Variants in POLR3GL observed in about 807,000 individuals in gnomAD.
POLR3GL encodes RNA polymerase III subunit GL.
A neutral mutation model predicts 32.4 loss-of-function variants in POLR3GL; 26 were observed. That is an observed-to-expected ratio of 0.80 (90% confidence interval 0.59 to 1.11). The LOEUF (loss-of-function observed/expected upper bound fraction) is 1.11, where lower values mean the gene tolerates loss of function less well. POLR3GL is among the 50% of genes most tolerant of loss of function. POLR3GL has a pLI of 0.00. For synonymous variants in POLR3GL, 95 were observed against 98.7 expected (o/e 0.96, Z 0.22); for missense variants, 229 against 280.1 (o/e 0.82, Z 1.30).
chr1:145,975,070 T>C, intron 2 of POLR3GL, 79 bp downstream of exon 2: 1 of 1,475,966 alleles, frequency 6.8e-7, no homozygotes, highest in Non-Finnish European at 9.0e-7. Flanking sequence ...TCCTGGACCA[T>C]CATAAAACCA....
Position 145,978,766 on chromosome 1 carries a change from C to T in POLR3GL, c.*319C>T, listed in dbSNP as rs1458070462. On this transcript the variant is annotated 3_prime_UTR_variant, in exon 8 of 8. Transcript: ENST00000369314. ...ATACCCCTGCCCAATTTATATAGCT[C>T]TTTGTGGAGATAATTAGGGGTGGGA... 2 of 266,564 alleles carry T rather than the reference C, an allele frequency of 7.5e-6. No homozygotes were observed. Among genetic ancestry groups the T allele is most frequent in the Admixed American group, 5.0e-5 (1 of 19,908 alleles). 16.5% of individuals were successfully genotyped at this position (266,564 alleles called of 1,614,324 possible).
At position 145,971,319 on chromosome 1, in the gene POLR3GL, A is replaced by G. The variant is rs587733585; in HGVS notation, c.-41-3506A>G. 7.9e-5 allele frequency among the ~76,000 whole-genome samples: 12 copies of G among 152,168 alleles called. No individual in the cohort carries two copies. In the South Asian group the frequency reaches 2.5e-3, roughly 32 times the overall value. On this transcript the variant is annotated intron_variant, in intron 1 of 7. Coordinates refer to ENST00000369314, the MANE Select transcript of POLR3GL (RefSeq NM_032305.3). ...TTTTTACCTATTGCTCTTTTTCTGTACATGAATCCCATTTAGGATTCCACA... is the reference window on the plus strand; with the variant it reads ...TTTTTACCTATTGCTCTTTTTCTGTGCATGAATCCCATTTAGGATTCCACA...
chr1:145,975,248 C>A, intron 2 of POLR3GL, 59 bp from the exon 3 acceptor site: 1 of 1,583,600 alleles, frequency 6.3e-7, no homozygotes, highest in South Asian at 1.1e-5. Flanking sequence ...GAGGAGGGGT[C>A]TTCCTAAATT....
chr1:145,970,466 G>A (rs1473973313), intron 1 of POLR3GL, among the ~76,000 whole-genome samples: 5 of 150,734 alleles, frequency 3.3e-5, no homozygotes, highest in Non-Finnish European at 7.4e-5. Context: ...TTTGTTTTTT[G>A]TTTTTGTTTT....
At chr1:145,977,921 C>T in intron 6 of POLR3GL, 62 bp from the exon 7 acceptor site, 4 of 1,613,782 alleles carry the variant, frequency 2.5e-6, no homozygotes, top group Non-Finnish European at 3.4e-6. Flanking sequence ...CCCATGTGTG[C>T]CTCAATTTTT....
chr1:145,978,708 A>G lies in POLR3GL; in HGVS notation c.*261A>G. 1 of 470,396 alleles carries G rather than the reference A, an allele frequency of 2.1e-6. No homozygotes were observed. Among genetic ancestry groups the G allele is most frequent in the Non-Finnish European group, 3.8e-6 (1 of 264,332 alleles). 29.1% of individuals were successfully genotyped at this position (470,396 alleles called of 1,614,324 possible). ...GGGAGAAAGGAGAATTGAAAGAAGA[A>G]CTGGGGTTGTTAGAGCTGAGATGAC... On this transcript the variant is annotated 3_prime_UTR_variant, in exon 8 of 8. Transcript: ENST00000369314.
intron 1 of POLR3GL, among the ~76,000 whole-genome samples, chr1:145,971,199 A>AG (rs1246984233): frequency 1.3e-5 from 2 of 151,676 alleles, no homozygotes; most frequent in Non-Finnish European, 2.9e-5. Flanking sequence ...AAAAAAAAAA[A>AG]AAAAAAAATT....
chr1:145,975,562 C>T (rs1342077863), intron 3 of POLR3GL, 126 bp downstream of exon 3: 13 of 1,054,420 alleles, frequency 1.2e-5, no homozygotes, highest in Non-Finnish European at 1.6e-5. Flanking sequence ...TAATAGTTAC[C>T]CCTGTATCTG....
At chr1:145,967,032 A>G (rs1650068723) in intron 1 of POLR3GL, among the ~76,000 whole-genome samples, 2 of 152,130 alleles carry the variant, frequency 1.3e-5, no homozygotes, top group African/African-American at 2.4e-5. Context: ...TAACTGGACA[A>G]ATTGCTCCCC....
chr1:145,974,386 C>G (rs1289704156), intron 1 of POLR3GL, among the ~76,000 whole-genome samples: 4 of 152,128 alleles, frequency 2.6e-5, no homozygotes, highest in African/African-American at 9.7e-5. Context: ...CATAGTGGTT[C>G]ATGCCTGTAA....
intron 1 of POLR3GL, among the ~76,000 whole-genome samples, chr1:145,969,831 A>C (rs760228165): frequency 1.8e-4 from 27 of 149,550 alleles, no homozygotes; most frequent in Non-Finnish European, 3.7e-4. Flanking sequence ...AGGCAGGAGA[A>C]TTGCTTGAAC....
chr1:145,965,338 C>T (rs1322398919), intron 1 of POLR3GL, among the ~76,000 whole-genome samples: 1 of 152,094 alleles, frequency 6.6e-6, no homozygotes, highest in Non-Finnish European at 1.5e-5. Flanking sequence ...AATTTAAACT[C>T]CTAACATAAC....
intron 1 of POLR3GL, among the ~76,000 whole-genome samples, chr1:145,966,682 G>A (rs1414608598): frequency 6.6e-6 from 1 of 151,948 alleles, no homozygotes; most frequent in Non-Finnish European, 1.5e-5. Flanking sequence ...CCAGTTACTC[G>A]GGGGGCTGAG....
Position 145,978,451 on chromosome 1 carries a change from A to C in POLR3GL, c.*4A>C, listed in dbSNP as rs1650666491. ...TATGGACGAGGCTATATACTGAAGAAGGACTCTGGACCCTCGTGTCTTTCT... is the reference window on the plus strand; with the variant it reads ...TATGGACGAGGCTATATACTGAAGACGGACTCTGGACCCTCGTGTCTTTCT... On this transcript the variant is annotated 3_prime_UTR_variant, in exon 8 of 8. Transcript: ENST00000369314. 6.4e-7 allele frequency: 1 copy of C among 1,573,460 alleles called. No individual in the cohort carries two copies. The highest frequency in any genetic ancestry group is 2.2e-5 in the East Asian group (1 of 44,702).
intron 3 of POLR3GL, among the ~76,000 whole-genome samples, chr1:145,976,037 G>A (rs1168112033): frequency 6.6e-6 from 1 of 152,180 alleles, no homozygotes; most frequent in African/African-American, 2.4e-5. Context: ...CACTTTGGGA[G>A]GCTGACATGG....
At chr1:145,977,346 T>G (rs1571001283) in intron 4 of POLR3GL, 137 bp from the exon 5 acceptor site, 1 of 900,872 alleles carries the variant, frequency 1.1e-6, no homozygotes. Context: ...TCAGGAGATA[T>G]CCAAGCCACT....
chr1:145,977,215 TC>T, intron 4 of POLR3GL, 63 bp downstream of exon 4: 1 of 1,408,052 alleles, frequency 7.1e-7, no homozygotes, highest in Non-Finnish European at 1.0e-6. Flanking sequence ...TTCAAGCTAT[TC>T]CCACCACGCC....
intron 4 of POLR3GL, 85 bp downstream of exon 4, chr1:145,977,237 C>A: frequency 8.5e-7 from 1 of 1,172,432 alleles, no homozygotes; most frequent in Non-Finnish European, 1.3e-6. Context: ...CATGACCCCA[C>A]CCCATTCCCC....
intron 1 of POLR3GL, among the ~76,000 whole-genome samples, chr1:145,972,323 C>T (rs970616988): frequency 6.7e-6 from 1 of 148,314 alleles, no homozygotes; most frequent in African/African-American, 2.5e-5. Flanking sequence ...GAGGTTGCAG[C>T]GAGCCGAGAT....
Sources: allele counts gnomAD v4.1 joint callset (sites outside exome capture counted in the v4.1 genomes callset), GRCh38; gene constraint gnomAD v4.1.1; transcripts MANE v1.5; gene names NCBI Gene and HGNC (gene_info 2026-07-23, HGNC 2026-07-21).